SOX5: variants seen among roughly 807,000 people sequenced by gnomAD.
The protein encoded by SOX5 is SRY-box transcription factor 5, also known as transcription factor SOX-5.
In SOX5, 9 loss-of-function variants were observed where a neutral mutation model predicts 92.0. That is an observed-to-expected ratio of 0.10 (90% CI 0.06 to 0.17). The LOEUF (loss-of-function observed/expected upper bound fraction) is 0.17, where lower values mean the gene tolerates loss of function less well. SOX5 is among the 10% of genes least tolerant of loss of function. SOX5 has a pLI of 1.00. For synonymous variants in SOX5, 344 were observed against 336.3 expected (o/e 1.02, Z -0.25); for missense variants, 642 against 944.5 (o/e 0.68, Z 4.20).
chr12:24,401,823 C>T (rs1201604761), intron 1 of SOX5, among the ~76,000 whole-genome samples: 1 of 151,072 alleles, frequency 6.6e-6, no homozygotes, highest in East Asian at 1.9e-4. Context: ...TATTTACTCT[C>T]TAGCCCTTTT....
At chr12:23,883,833 T>A (rs1040989329) in intron 2 of SOX5, among the ~76,000 whole-genome samples, 7 of 152,180 alleles carry the variant, frequency 4.6e-5, no homozygotes, top group African/African-American at 1.7e-4. Context: ...AGCAAAATAA[T>A]GTCTGCAAAT....
At chr12:24,506,946 G>A (rs11047482) in intron 1 of SOX5, among the ~76,000 whole-genome samples, 3,742 of 151,564 alleles carry the variant, frequency 0.025, 80 homozygotes, top group Admixed American at 0.057. Context: ...GCCCGCCACT[G>A]CACCCGGCTA....
At chr12:23,813,834 G>C (rs76817451) in intron 3 of SOX5, among the ~76,000 whole-genome samples, 2,171 of 152,144 alleles carry the variant, frequency 0.014, 57 homozygotes, top group African/African-American at 0.05. Context: ...GATACTTGCC[G>C]AATTATTCTT....
At chr12:24,406,514 G>T (rs767610629) in intron 1 of SOX5, among the ~76,000 whole-genome samples, 1 of 152,136 alleles carries the variant, frequency 6.6e-6, no homozygotes, top group Non-Finnish European at 1.5e-5. Context: ...TTCAGCAACA[G>T]CAACTAGGAA....
rs112285652 is a variant in SOX5, at chr12:23,546,320, A to G, written c.1593T>C (p.Ser531=). ...AMMDFNLSGD[S]DGSAGVSESR... is the part of the protein sequence containing the mutation. ...GTATGAACAATTTTCACAAACCATC[A>G]GAATCTCCACTCAGATTGAAATCCA... The change falls in exon 12 of 15, where the codon TCT becomes TCC. Residue 531 remains serine (S), a synonymous_variant. Coordinates refer to ENST00000451604, the MANE Select transcript of SOX5 (RefSeq NM_006940.6). 97 of 1,543,400 alleles carry G rather than the reference A, an allele frequency of 6.3e-5. 3 individuals carry two copies. In the African/African-American group the frequency reaches 9.4e-4, roughly 15 times the overall value.
intron 4 of SOX5, among the ~76,000 whole-genome samples, chr12:24,029,470 TC>T (rs1256431272): frequency 6.6e-6 from 1 of 151,732 alleles, no homozygotes; most frequent in African/African-American, 2.4e-5. Flanking sequence ...AGATGAGACC[TC>T]CCTATGTTAC....
upstream of SOX5, among the ~76,000 whole-genome samples, chr12:23,952,249 T>C (rs1240742721): frequency 4.0e-5 from 6 of 151,868 alleles, no homozygotes; most frequent in Non-Finnish European, 1.5e-5. Flanking sequence ...CAAGGAGACA[T>C]AGTGGCAGCA....
intron 3 of SOX5, among the ~76,000 whole-genome samples, chr12:24,226,980 G>A (rs1962184294): frequency 1.3e-5 from 2 of 152,212 alleles, no homozygotes; most frequent in South Asian, 4.1e-4. Flanking sequence ...GCAGGCAGGT[G>A]TATTTAGCAA....
intron 2 of SOX5, among the ~76,000 whole-genome samples, chr12:24,312,462 T>C (rs1565883064): frequency 1.3e-5 from 2 of 152,222 alleles, no homozygotes; most frequent in Non-Finnish European, 2.9e-5. Flanking sequence ...CTCTACTTTA[T>C]ACCATTTATT....
intron 2 of SOX5, among the ~76,000 whole-genome samples, chr12:23,888,690 A>C (rs887642355): frequency 2.0e-5 from 3 of 152,196 alleles, no homozygotes; most frequent in African/African-American, 7.2e-5. Flanking sequence ...GTAATTTCCC[A>C]AAACAATGCA....
chr12:23,855,638 A>G (rs1371026889), intron 2 of SOX5, among the ~76,000 whole-genome samples: 2 of 152,072 alleles, frequency 1.3e-5, no homozygotes, highest in Non-Finnish European at 2.9e-5. Flanking sequence ...TGGCAAATAA[A>G]TCCTTATTTT....
chr12:23,551,370 C>T (rs1326359347), intron 11 of SOX5, among the ~76,000 whole-genome samples: 4 of 151,792 alleles, frequency 2.6e-5, no homozygotes, highest in South Asian at 2.1e-4. Context: ...TTTAACCTCT[C>T]GTTTCACTCT....
At chr12:24,263,661 T>C (rs2140272811) in intron 3 of SOX5, among the ~76,000 whole-genome samples, 1 of 152,226 alleles carries the variant, frequency 6.6e-6, no homozygotes, top group South Asian at 2.1e-4. Context: ...AAGCATATCG[T>C]TAAAATAAAA....
At chr12:23,679,095 G>A (rs1241429514) in intron 6 of SOX5, among the ~76,000 whole-genome samples, 1 of 152,104 alleles carries the variant, frequency 6.6e-6, no homozygotes, top group East Asian at 1.9e-4. Context: ...GTAGATCCTG[G>A]ATGCATAATA....
chr12:24,165,302 AACAC>A (rs765924926), intron 4 of SOX5, among the ~76,000 whole-genome samples: 11 of 152,150 alleles, frequency 7.2e-5, no homozygotes, highest in Admixed American at 1.3e-4. Flanking sequence ...TTATAAAATA[AACAC>A]ACACAGTTCC....
chr12:24,099,502 T>A (rs928815599), intron 4 of SOX5, among the ~76,000 whole-genome samples: 1 of 152,108 alleles, frequency 6.6e-6, no homozygotes, highest in Non-Finnish European at 1.5e-5. Context: ...AATCAATCAC[T>A]GGATGCAGAG....
At chr12:24,305,055 G>A (rs1330721555) in intron 2 of SOX5, among the ~76,000 whole-genome samples, 1 of 152,160 alleles carries the variant, frequency 6.6e-6, no homozygotes, top group South Asian at 2.1e-4. Flanking sequence ...GAAGAGTTCC[G>A]AAGACCCCAC....
rs184969085 is a variant in SOX5, at chr12:24,303,831, G to C, written c.-173-26519C>G. Among the ~76,000 whole-genome samples the C allele has an allele frequency of 2.6e-5, 4 of 152,232 alleles. No individual in the cohort carries two copies. In the South Asian group the frequency reaches 6.2e-4, roughly 24 times the overall value. The stretch of plus-strand genomic sequence containing the variant: ...GTGAGGATCAAAGGGGAGAGAGAGG[G>C]GGAGGCACCTTAAAAGCTGCCAACC... On this transcript the variant is annotated intron_variant, in intron 2 of 4. Coordinates refer to the SOX5 transcript ENST00000446891.
rs185755532 is a variant in SOX5, at chr12:23,704,040, A to G, written c.810+30644T>C. ...TACGATTTCTAAAAGTCAGTCTTAG[A>G]TAATACTATAACAGCAGTAGACAGA... On this transcript the variant is annotated intron_variant, in intron 6 of 14. Transcript: ENST00000451604. 6.6e-4 allele frequency among the ~76,000 whole-genome samples: 101 copies of G among 152,080 alleles called. No homozygotes were observed. The Middle Eastern group carries it at 0.014, about 20-fold the overall frequency.
Sources: gnomAD v4.1 joint callset for allele counts (sites outside exome capture counted in the v4.1 genomes callset) on GRCh38, gnomAD v4.1.1 for gene constraint, MANE v1.5 for transcripts, NCBI Gene and HGNC (gene_info 2026-07-23, HGNC 2026-07-21) for gene names.